The following AGBL3 variants were observed in gnomAD, a reference collection of about 807,000 sequenced individuals.
AGBL3 encodes the protein AGBL carboxypeptidase 3.
Under a neutral mutation model 94.5 loss-of-function variants are expected in AGBL3, and 68 were observed. That is an observed-to-expected ratio of 0.72 (90% CI 0.59 to 0.88). AGBL3 has a LOEUF of 0.88. Among genes scored for constraint, AGBL3 ranks in the 40% least tolerant of loss-of-function variants. AGBL3 has a pLI of 0.00. For synonymous variants in AGBL3, 354 were observed against 370.7 expected (o/e 0.95, Z 0.52); for missense variants, 934 against 1,103.8 (o/e 0.85, Z 2.18).
chr7:135,081,466 G>C (rs778068600), intron 14 of AGBL3, among the ~76,000 whole-genome samples: 3 of 151,922 alleles, frequency 2.0e-5, no homozygotes, highest in African/African-American at 7.2e-5. Context: ...CTTTATAACT[G>C]TCTATTTGTG....
At chr7:135,127,894 T>C (rs867417146) in intron 16 of AGBL3, among the ~76,000 whole-genome samples, 43 of 152,306 alleles carry the variant, frequency 2.8e-4, no homozygotes, top group Middle Eastern at 3.4e-3. Flanking sequence ...ATTGCAGCAC[T>C]GTTTACAATA....
intron 4 of AGBL3, among the ~76,000 whole-genome samples, chr7:135,007,863 T>C (rs1295378150): frequency 6.6e-6 from 1 of 152,026 alleles, no homozygotes; most frequent in East Asian, 1.9e-4. Context: ...TATGCACTTA[T>C]AATAAACAAC....
chr7:135,045,643 T>C (rs1584932828), intron 10 of AGBL3, 69 bp downstream of exon 10: 1 of 1,419,366 alleles, frequency 7.0e-7, no homozygotes, highest in Non-Finnish European at 9.7e-7. Flanking sequence ...ACTATGGGCC[T>C]ATGCAGTGTT....
intron 15 of AGBL3, among the ~76,000 whole-genome samples, chr7:135,106,128 C>T (rs1451260853): frequency 6.6e-6 from 1 of 152,136 alleles, no homozygotes; most frequent in Non-Finnish European, 1.5e-5. Flanking sequence ...GCTGAAGGAG[C>T]TTTTGGGCCA....
At chr7:135,083,391 G>T (rs1321333586) in intron 15 of AGBL3, among the ~76,000 whole-genome samples, 1 of 152,066 alleles carries the variant, frequency 6.6e-6, no homozygotes, top group African/African-American at 2.4e-5. Context: ...GACTGGCACT[G>T]CCTTTTCTTT....
intron 12 of AGBL3, among the ~76,000 whole-genome samples, chr7:135,061,944 G>A (rs1818871960): frequency 6.6e-6 from 1 of 152,062 alleles, no homozygotes; most frequent in Admixed American, 6.5e-5. Context: ...GATAGAGATT[G>A]TATTGAATCT....
Position 135,079,376 on chromosome 7 carries a change from T to C in AGBL3, c.1981-827T>C, listed in dbSNP as rs139424129. ...CCCATTTTCATACTGATTTTGCCCA[T>C]TTTTTTGCTGCCAATCAATTATATA... is the stretch of plus-strand genomic sequence containing the variant. On this transcript the variant is annotated intron_variant, in intron 13 of 16. Coordinates refer to ENST00000436302, the MANE Select transcript of AGBL3 (RefSeq NM_178563.4). Among the ~76,000 whole-genome samples, 935 of 152,234 alleles carry C rather than the reference T, an allele frequency of 6.1e-3. 7 individuals are homozygous for C. Among genetic ancestry groups the C allele is most frequent in the Non-Finnish European group, 0.01 (681 of 67,996 alleles).
chr7:135,036,347 C>A (rs1816303492), intron 7 of AGBL3, among the ~76,000 whole-genome samples: 1 of 114,604 alleles, frequency 8.7e-6, no homozygotes, highest in Admixed American at 1.1e-4. Flanking sequence ...AAAGGTTGTG[C>A]TCTTCAGGAA....
rs138170036 is a variant in AGBL3 at position 135,047,219 on chromosome 7, A to T, written c.1841+1308A>T. On this transcript the variant is annotated intron_variant, in intron 11 of 16. Coordinates refer to ENST00000436302, the MANE Select transcript of AGBL3 (RefSeq NM_178563.4). ...TCCTTGCTGTTTATCCATGTTGTTA[A>T]CTTATTGCAGAATTTCCTTCTTTTT... is the stretch of plus-strand genomic sequence containing the variant. Among the ~76,000 whole-genome samples, 344 of 152,060 alleles carry T rather than the reference A, an allele frequency of 2.3e-3. 1 individual carries two copies. The highest frequency in any genetic ancestry group is 7.6e-3 in the African/African-American group (315 of 41,514).
Position 135,032,951 on chromosome 7 carries a change from G to A in AGBL3, c.526G>A (p.Glu176Lys). The change falls in exon 6 of 17, where the codon GAG (glutamate) becomes AAG (lysine). Residue 176 changes from glutamate (E) to lysine (K), a missense_variant. Physicochemically the swap from Glu to Lys is moderately conservative, Grantham distance 56. Around this residue, in one of 3 missense-constraint regions of AGBL3, gnomAD observed 488 missense variants for 563.6 expected, o/e 0.87. Transcript: ENST00000436302. ...TACTTTGATGTTTGAAGCAAGGTTTGAGAGTGGTAATCTACAGAAGGTAGT... is the reference window on the plus strand; with the variant it reads ...TACTTTGATGTTTGAAGCAAGGTTTAAGAGTGGTAATCTACAGAAGGTAGT... ...DNTLMFEARF[E>K]SGNLQKVVKV... 6.4e-7 allele frequency: 1 copy of A among 1,551,344 alleles called. No homozygotes were observed. Among genetic ancestry groups the A allele is most frequent in the Non-Finnish European group, 8.7e-7 (1 of 1,146,610 alleles).
intron 15 of AGBL3, among the ~76,000 whole-genome samples, chr7:135,101,570 G>C (rs1023455274): frequency 6.6e-6 from 1 of 151,654 alleles, no homozygotes; most frequent in Non-Finnish European, 1.5e-5. Context: ...ACCACCACCC[G>C]CCAAGAAAAT....
intron 8 of AGBL3, among the ~76,000 whole-genome samples, chr7:135,038,173 C>T (rs1816489674): frequency 6.6e-6 from 1 of 152,068 alleles, no homozygotes; most frequent in African/African-American, 2.4e-5. Flanking sequence ...AAGAAAATTC[C>T]TGCAGACTTT....
At chr7:135,004,075 TAA>T (rs1290778633) in intron 4 of AGBL3, among the ~76,000 whole-genome samples, 1 of 151,716 alleles carries the variant, frequency 6.6e-6, no homozygotes, top group Non-Finnish European at 1.5e-5. Flanking sequence ...TGGTTTAAAA[TAA>T]ATTTTTTTGA....
At chr7:135,098,173 A>G (rs141335921) in intron 15 of AGBL3, among the ~76,000 whole-genome samples, 1 of 152,288 alleles carries the variant, frequency 6.6e-6, no homozygotes, top group East Asian at 1.9e-4. Flanking sequence ...CTACAAGTCT[A>G]AATACCTGCC....
intron 12 of AGBL3, among the ~76,000 whole-genome samples, chr7:135,067,922 G>A (rs2116753054): frequency 6.6e-6 from 1 of 152,250 alleles, no homozygotes; most frequent in South Asian, 2.1e-4. Context: ...GAAGGCTTCA[G>A]ACAATCAAAC....
At chr7:135,055,743 T>G (rs1818290772) in intron 11 of AGBL3, among the ~76,000 whole-genome samples, 1 of 152,210 alleles carries the variant, frequency 6.6e-6, no homozygotes, top group Admixed American at 6.5e-5. Context: ...TATCTTTGTC[T>G]GCTTTTGGTA....
chr7:135,040,061 G>A (rs906232343), intron 8 of AGBL3, among the ~76,000 whole-genome samples: 1 of 152,092 alleles, frequency 6.6e-6, no homozygotes, highest in East Asian at 1.9e-4. Context: ...GCATTAAAAG[G>A]ACAATAAGGG....
chr7:135,066,986 G>T (rs774590911), intron 12 of AGBL3, among the ~76,000 whole-genome samples: 1 of 152,186 alleles, frequency 6.6e-6, no homozygotes, highest in Non-Finnish European at 1.5e-5. Flanking sequence ...CCCTTTCCTA[G>T]TCAAAGAAAG....
At chr7:135,026,838 G>A (rs1017418882) in intron 5 of AGBL3, among the ~76,000 whole-genome samples, 4 of 151,320 alleles carry the variant, frequency 2.6e-5, no homozygotes, top group African/African-American at 9.7e-5. Context: ...TCTGCATTTC[G>A]TGTATTTGCA....
Sources: allele counts gnomAD v4.1 joint callset (sites outside exome capture counted in the v4.1 genomes callset), GRCh38; gene constraint gnomAD v4.1.1; regional missense constraint gnomAD v4.1.1; transcripts MANE v1.5; gene names NCBI Gene and HGNC (gene_info 2026-07-23, HGNC 2026-07-21).